Variants in RNASEH1 observed in about 807,000 individuals in gnomAD.
The protein encoded by RNASEH1 is ribonuclease H type II.
In RNASEH1, 27 loss-of-function variants were observed where a neutral mutation model predicts 34.6. The observed-to-expected ratio is 0.78, with a 90% confidence interval of 0.58 to 1.08. RNASEH1 has a LOEUF of 1.08. RNASEH1 is among the 50% of genes least tolerant of loss of function. RNASEH1 has a pLI of 0.00. For synonymous variants in RNASEH1, 162 were observed against 138.4 expected, an observed-to-expected ratio of 1.17 and a Z score of -1.20; for missense variants, 349 against 373.6, an observed-to-expected ratio of 0.93 and a Z score of 0.54.
chr2:3,549,105 C>T lies in RNASEH1; in HGVS notation c.517G>A (p.Gly173Ser). 1 of 1,612,760 alleles carries T rather than the reference C, an allele frequency of 6.2e-7. No homozygotes were observed. Among genetic ancestry groups the T allele is most frequent in the Non-Finnish European group, 8.5e-7 (1 of 1,178,836 alleles). The change falls in exon 5 of 8, where the codon GGC (glycine) becomes AGC (serine). Residue 173 changes from glycine to serine, a missense_variant. By Grantham distance (56) the Gly-to-Ser change is moderately conservative. Coordinates refer to ENST00000315212, the MANE Select transcript of RNASEH1 (RefSeq NM_002936.6). The stretch of plus-strand genomic sequence containing the variant: ...GTCTGCCGCCCAGGAAGTCTAATGC[C>T]TACATTTCTGTTTCAAAACAGTACA... ...YWGPGHPLNV[G>S]IRLPGRQTNQ...
intron 7 of RNASEH1, among the ~76,000 whole-genome samples, chr2:3,546,398 T>C (rs1346108986): frequency 1.3e-5 from 2 of 152,356 alleles, no homozygotes; most frequent in East Asian, 1.9e-4. Flanking sequence ...AAAAAAACTT[T>C]TTAATAAACA....
intron 2 of RNASEH1, among the ~76,000 whole-genome samples, chr2:3,555,771 C>T (rs1292401458): frequency 1.3e-5 from 2 of 152,160 alleles, no homozygotes; most frequent in Non-Finnish European, 2.9e-5. Context: ...CGTCACCCTG[C>T]TCATCTGAGT....
rs1660553204 is a variant in RNASEH1, at chr2:3,556,868, A to G, written c.165T>C (p.Ala55=). ...ECRAQVDRFP[A]ARFKKFATED... ...CTGTGGCAAACTTCTTAAATCTGGC[A>G]GCAGGAAACCGGTCCACCTGTGCTC... Residue 55 remains alanine, a synonymous_variant, in exon 2 of 8, where the codon GCT becomes GCC. Coordinates refer to ENST00000315212, the MANE Select transcript of RNASEH1 (RefSeq NM_002936.6). 1 of 1,614,028 alleles carries G rather than the reference A, an allele frequency of 6.2e-7. No individual in the cohort carries two copies. Among genetic ancestry groups the G allele is most frequent in the Admixed American group, 1.7e-5 (1 of 60,008 alleles).
At chr2:3,548,514 C>G in intron 6 of RNASEH1, 126 bp downstream of exon 6, 1 of 629,698 alleles carries the variant, frequency 1.6e-6, no homozygotes, top group Non-Finnish European at 2.8e-6. Context: ...TCACTCTTTG[C>G]TCGGTACCTG....
chr2:3,543,827 T>C lies in RNASEH1; in HGVS notation c.*1958A>G, dbSNP rs1400014808. On this transcript the variant is annotated 3_prime_UTR_variant, in exon 8 of 8. Transcript: ENST00000315212. ...CAGGGTGTCACTATGTTGCCCAGAC[T>C]AGTCTCAAACTCCTGGGTTCATGTG... 1.3e-5 allele frequency among the ~76,000 whole-genome samples: 2 copies of C among 152,154 alleles called. No individual in the cohort carries two copies. Among genetic ancestry groups the C allele is most frequent in the Non-Finnish European group, 2.9e-5 (2 of 68,032 alleles).
chr2:3,555,631 A>G (rs1345778570), intron 2 of RNASEH1, among the ~76,000 whole-genome samples: 1 of 152,228 alleles, frequency 6.6e-6, no homozygotes, highest in Non-Finnish European at 1.5e-5. Flanking sequence ...GCTGTTCAAG[A>G]TAAGGTAATT....
chr2:3,532,082 AG>A, the RNASEH1 span: 11 of 599,228 alleles, frequency 1.8e-5, no homozygotes, highest in African/African-American at 2.0e-4. Context: ...AGATAAGGAG[AG>A]GGTTTTTATG....
chr2:3,533,954 T>C, the RNASEH1 span: 1 of 152,258 alleles, frequency 6.6e-6, no homozygotes, highest in African/African-American at 2.4e-5. Context: ...AAGCTGCCAG[T>C]TCCAGGTTAA....
chr2:3,540,836 C>A (rs1668254155), downstream of RNASEH1, among the ~76,000 whole-genome samples: 1 of 151,922 alleles, frequency 6.6e-6, no homozygotes, highest in South Asian at 2.1e-4. Flanking sequence ...GAGGCAGCAG[C>A]AGGAGCATGC....
At chr2:3,549,872 G>T (rs1669112697) in intron 4 of RNASEH1, among the ~76,000 whole-genome samples, 1 of 151,840 alleles carries the variant, frequency 6.6e-6, no homozygotes, top group Non-Finnish European at 1.5e-5. Context: ...CGTGAACCTG[G>T]GAAGTGGAGC....
chr2:3,534,742 A>G, the RNASEH1 span, among the ~76,000 whole-genome samples: 2 of 152,254 alleles, frequency 1.3e-5, no homozygotes, highest in Non-Finnish European at 2.9e-5. Context: ...CAGGGGCGCC[A>G]GCGGCCATGG....
At chr2:3,554,473 T>C (rs1023934772) in intron 2 of RNASEH1, among the ~76,000 whole-genome samples, 1 of 152,186 alleles carries the variant, frequency 6.6e-6, no homozygotes, top group East Asian at 1.9e-4. Context: ...AACCAGTAAA[T>C]AGCTCAATAA....
At chr2:3,548,500 A>G (rs969241647) in intron 6 of RNASEH1, 140 bp downstream of exon 6, 1 of 609,146 alleles carries the variant, frequency 1.6e-6, no homozygotes, top group African/African-American at 1.9e-5. Context: ...AGACTCCAAA[A>G]TCCTCACTCT....
In RNASEH1 at chr2:3,558,263, C is replaced by G; in HGVS notation, c.-3G>C. ...GCCAGGAACAGAAGCCAGCTCATCG[C>G]TCACTCCCGGCACCGGGAAGCATTT... On this transcript the variant is annotated 5_prime_UTR_variant, in exon 1 of 8. Transcript: ENST00000315212. 6.3e-7 allele frequency: 1 copy of G among 1,578,678 alleles called. No homozygotes were observed. The highest frequency in any genetic ancestry group is 8.6e-7 in the Non-Finnish European group (1 of 1,166,278).
chr2:3,539,944 G>A (rs952977645), downstream of RNASEH1, among the ~76,000 whole-genome samples: 2 of 152,030 alleles, frequency 1.3e-5, no homozygotes, highest in South Asian at 2.1e-4. Context: ...TTTCTTTCTC[G>A]TTTTGTTTGA....
chr2:3,536,186 C>A, the RNASEH1 span, among the ~76,000 whole-genome samples: 2 of 152,238 alleles, frequency 1.3e-5, no homozygotes, highest in Non-Finnish European at 2.9e-5. Flanking sequence ...ATACTAATTT[C>A]ATTGCACTCA....
chr2:3,535,194 G>A, the RNASEH1 span, among the ~76,000 whole-genome samples: 1 of 152,062 alleles, frequency 6.6e-6, no homozygotes, highest in Non-Finnish European at 1.5e-5. Flanking sequence ...GAGGCAGGCG[G>A]TTCACCTGAG....
chr2:3,537,586 T>C (rs1258723395), downstream of RNASEH1, among the ~76,000 whole-genome samples: 1 of 152,014 alleles, frequency 6.6e-6, no homozygotes, highest in Non-Finnish European at 1.5e-5. Context: ...CTGGGAATGG[T>C]GGCACACACT....
the RNASEH1 span, chr2:3,533,830 T>A: frequency 6.6e-6 from 1 of 152,278 alleles, no homozygotes; most frequent in Non-Finnish European, 1.5e-5. Context: ...GACGACTGGA[T>A]AAGCGAAGCG....
Sources: allele counts gnomAD v4.1 joint callset (sites outside exome capture counted in the v4.1 genomes callset), GRCh38; gene constraint gnomAD v4.1.1; transcripts MANE v1.5; gene names NCBI Gene and HGNC (gene_info 2026-07-23, HGNC 2026-07-21).